DAPK1: variants seen among roughly 807,000 people sequenced by gnomAD.
The protein encoded by DAPK1 is death-associated protein kinase 1.
DAPK1 carries 56 observed loss-of-function variants against 144.9 expected under a neutral mutation model. The observed-to-expected ratio is 0.39, with a 90% CI of 0.31 to 0.48. DAPK1 has a LOEUF of 0.48. Among genes scored for constraint, DAPK1 ranks in the 20% least tolerant of loss-of-function variants. The pLI, the probability that DAPK1 is intolerant of heterozygous loss-of-function variation, is 0.95. For synonymous variants in DAPK1, 690 were observed against 749.0 expected (o/e 0.92, Z 1.29); for missense variants, 1,454 against 1,875.4 (o/e 0.78, Z 4.15).
rs36207727 is a variant in DAPK1, at chr9:87,605,735, A to G, written c.284+560A>G. Among the ~76,000 whole-genome samples the G allele has an allele frequency of 1.2e-4, 19 of 152,342 alleles. No individual in the cohort carries two copies. In the East Asian group the frequency reaches 3.7e-3, roughly 29 times the overall value. On this transcript the variant is annotated intron_variant, in intron 3 of 25. Coordinates refer to ENST00000408954, the MANE Select transcript of DAPK1 (RefSeq NM_004938.4). ...AGTTGCTGATTTTCTCAGGCAAGCCATGCCCGTCGGATGTTATTATGGGAA... is the reference window on the plus strand; with the variant it reads ...AGTTGCTGATTTTCTCAGGCAAGCCGTGCCCGTCGGATGTTATTATGGGAA...
At chr9:87,624,658 C>T (rs893502628) in intron 3 of DAPK1, among the ~76,000 whole-genome samples, 1 of 152,200 alleles carries the variant, frequency 6.6e-6, no homozygotes, top group Non-Finnish European at 1.5e-5. Context: ...CCCCTGATTT[C>T]TTCCAGATCC....
At chr9:87,675,127 G>A (rs1358469418) in intron 19 of DAPK1, among the ~76,000 whole-genome samples, 3 of 152,184 alleles carry the variant, frequency 2.0e-5, no homozygotes, top group South Asian at 2.1e-4. Flanking sequence ...TTGAGACACA[G>A]CTACACACTC....
At chr9:87,667,933 G>C (rs1374810419) in intron 18 of DAPK1, 2 of 152,652 alleles carry the variant, frequency 1.3e-5, no homozygotes, top group African/African-American at 4.8e-5. Context: ...ATGAGGTGGT[G>C]TTCAATAAAT....
intron 2 of DAPK1, among the ~76,000 whole-genome samples, chr9:87,580,636 T>C (rs193209271): frequency 1.5e-4 from 23 of 152,294 alleles, no homozygotes; most frequent in Admixed American, 8.5e-4. Flanking sequence ...TACAAGATTA[T>C]ATCTACAGCT....
intron 2 of DAPK1, among the ~76,000 whole-genome samples, chr9:87,554,708 A>T (rs950633039): frequency 6.6e-6 from 1 of 152,144 alleles, no homozygotes; most frequent in Non-Finnish European, 1.5e-5. Flanking sequence ...GGCAACCTGG[A>T]CCCAAATGAG....
chr9:87,501,211 C>T (rs929956974), intron 2 of DAPK1, among the ~76,000 whole-genome samples: 2 of 152,138 alleles, frequency 1.3e-5, no homozygotes, highest in Non-Finnish European at 1.5e-5. Flanking sequence ...ACTAGTAGAC[C>T]AGTATCTAAG....
upstream of DAPK1, chr9:87,497,767 T>G (rs1221201324): frequency 2.1e-5 from 7 of 334,226 alleles, no homozygotes; most frequent in Non-Finnish European, 3.8e-5. Flanking sequence ...GCAGGGCAGC[T>G]CGGAGGTGGG....
intron 2 of DAPK1, among the ~76,000 whole-genome samples, chr9:87,579,204 C>T (rs926383922): frequency 2.3e-4 from 35 of 152,212 alleles, no homozygotes; most frequent in African/African-American, 8.0e-4. Flanking sequence ...TTCTTCAGTG[C>T]ATCACAAAGG....
chr9:87,656,854 C>A (rs940950035), intron 17 of DAPK1, among the ~76,000 whole-genome samples: 1 of 152,134 alleles, frequency 6.6e-6, no homozygotes. Flanking sequence ...GTTGAGGATT[C>A]ATAGATAAGA....
intron 1 of DAPK1, chr9:87,498,406 G>A: frequency 6.0e-6 from 2 of 331,526 alleles, no homozygotes; most frequent in East Asian, 4.7e-5. Flanking sequence ...TGCTCCCCCG[G>A]GCGGCCGCAC....
chr9:87,695,146 C>G (rs1016943743), intron 21 of DAPK1, among the ~76,000 whole-genome samples: 4 of 152,204 alleles, frequency 2.6e-5, no homozygotes, highest in African/African-American at 9.6e-5. Flanking sequence ...TGATCTCTCA[C>G]AGCCCCAGCC....
At chr9:87,512,963 T>C (rs1340645460) in intron 2 of DAPK1, among the ~76,000 whole-genome samples, 1 of 152,226 alleles carries the variant, frequency 6.6e-6, no homozygotes, top group Non-Finnish European at 1.5e-5. Context: ...CTGCTTTCTT[T>C]TAAAGAATTA....
Position 87,703,169 on chromosome 9 carries a change from C to A in DAPK1, c.3012C>A (p.Ser1004Arg). ...AGGACCAGCTGAACCCCCTGGCCAGCGAGGAGGACCTCAGGCGCATTGCTC... is the reference window on the plus strand; with the variant it reads ...AGGACCAGCTGAACCCCCTGGCCAGAGAGGAGGACCTCAGGCGCATTGCTC... ...DVQDQLNPLA[S>R]EEDLRRIAQQ... The change falls in exon 25 of 26, where the codon AGC becomes AGA. Residue 1004 changes from serine (S) to arginine (R), a missense_variant. Physicochemically the swap from Ser to Arg is moderately radical, Grantham distance 110. Coordinates refer to ENST00000408954, the MANE Select transcript of DAPK1 (RefSeq NM_004938.4). 6.2e-7 allele frequency: 1 copy of A among 1,612,598 alleles called. No homozygotes were observed. The highest frequency in any genetic ancestry group is 8.5e-7 in the Non-Finnish European group (1 of 1,178,560).
At chr9:87,683,325 C>T (rs1824712634) in intron 20 of DAPK1, among the ~76,000 whole-genome samples, 1 of 152,152 alleles carries the variant, frequency 6.6e-6, no homozygotes, top group Non-Finnish European at 1.5e-5. Context: ...TTGTGATCCA[C>T]CTGCCTCGGC....
At chr9:87,571,922 G>A (rs559863778) in intron 2 of DAPK1, among the ~76,000 whole-genome samples, 4 of 152,320 alleles carry the variant, frequency 2.6e-5, no homozygotes, top group African/African-American at 4.8e-5. Context: ...GTTGCAGACC[G>A]TGGAGTCCCA....
At chr9:87,618,697 G>A (rs1829185068) in intron 3 of DAPK1, among the ~76,000 whole-genome samples, 3 of 152,188 alleles carry the variant, frequency 2.0e-5, no homozygotes, top group African/African-American at 7.2e-5. Flanking sequence ...GAACTGTCCA[G>A]AGTAGGCACA....
intron 2 of DAPK1, chr9:87,525,444 C>G: frequency 5.6e-6 from 9 of 1,607,428 alleles, no homozygotes; most frequent in Middle Eastern, 2.3e-4. Flanking sequence ...CGTCAGTACG[C>G]GAAGGATATC....
At chr9:87,542,650 G>GGT (rs1826097247) in intron 2 of DAPK1, among the ~76,000 whole-genome samples, 1 of 152,190 alleles carries the variant, frequency 6.6e-6, no homozygotes, top group Non-Finnish European at 1.5e-5. Context: ...ACCCTCTGAG[G>GGT]TAGGAAAGAT....
chr9:87,569,663 G>A (rs1255973477), intron 2 of DAPK1, among the ~76,000 whole-genome samples: 6 of 152,162 alleles, frequency 3.9e-5, no homozygotes, highest in Admixed American at 3.3e-4. Context: ...GATCCTGTCA[G>A]TGTCAATGCG....
Sources: allele counts gnomAD v4.1 joint callset (sites outside exome capture counted in the v4.1 genomes callset), GRCh38; gene constraint gnomAD v4.1.1; transcripts MANE v1.5; gene names NCBI Gene and HGNC (gene_info 2026-07-23, HGNC 2026-07-21).